The following LRRC7 variants were observed in gnomAD, a reference collection of about 807,000 sequenced individuals.
LRRC7 encodes the protein leucine-rich repeat-containing protein 7.
Under a neutral mutation model 175.7 loss-of-function variants are expected in LRRC7, and 23 were observed. That is an observed-to-expected ratio of 0.13 (90% CI 0.09 to 0.19). The LOEUF is 0.19. Ranked by LOEUF, LRRC7 falls within the 10% of genes least tolerant of loss-of-function variation. LRRC7 has a pLI of 1.00. For missense variants in LRRC7, 1,354 were observed against 1,904.7 expected, an observed-to-expected ratio of 0.71 and a Z score of 5.38; for synonymous variants, 685 against 680.9, an observed-to-expected ratio of 1.01 and a Z score of -0.09.
intron 7 of LRRC7, among the ~76,000 whole-genome samples, chr1:69,885,031 A>G (rs1031336467): frequency 1.4e-5 from 2 of 142,886 alleles, no homozygotes; most frequent in Admixed American, 7.1e-5. Flanking sequence ...TATTTTATTG[A>G]GGATTTTTGC....
At chr1:69,741,691 C>T (rs958916180) in intron 2 of LRRC7, among the ~76,000 whole-genome samples, 2 of 151,976 alleles carry the variant, frequency 1.3e-5, no homozygotes, top group Non-Finnish European at 2.9e-5. Context: ...AGAAGACTTA[C>T]GAACCATGAC....
intron 2 of LRRC7, among the ~76,000 whole-genome samples, chr1:69,733,879 G>A (rs1182664160): frequency 1.3e-5 from 2 of 151,908 alleles, no homozygotes; most frequent in African/African-American, 4.8e-5. Flanking sequence ...TCTTTTTATT[G>A]TTAATTGTAC....
At chr1:69,845,217 C>T (rs913760389) in intron 7 of LRRC7, among the ~76,000 whole-genome samples, 1 of 152,102 alleles carries the variant, frequency 6.6e-6, no homozygotes, top group African/African-American at 2.4e-5. Flanking sequence ...TGCCACTGCA[C>T]TCAAGCCTGG....
chr1:70,023,409 A>T, intron 17 of LRRC7, 35 bp downstream of exon 17: 1 of 1,509,972 alleles, frequency 6.6e-7, no homozygotes, highest in Non-Finnish European at 8.9e-7. Flanking sequence ...AGAATCTCCC[A>T]TGTAGAGGCA....
intron 8 of LRRC7, among the ~76,000 whole-genome samples, chr1:69,941,277 G>C (rs1648682780): frequency 6.6e-6 from 1 of 152,080 alleles, no homozygotes; most frequent in Non-Finnish European, 1.5e-5. Context: ...GAAGCTCTTT[G>C]GAAGGGTTTG....
intron 23 of LRRC7, among the ~76,000 whole-genome samples, chr1:70,059,143 G>T (rs1043459244): frequency 6.6e-6 from 1 of 152,114 alleles, no homozygotes; most frequent in African/African-American, 2.4e-5. Context: ...AAAAGACTAG[G>T]CATTCAAAGG....
At chr1:69,951,675 A>G (rs1649946808) in intron 8 of LRRC7, among the ~76,000 whole-genome samples, 1 of 152,144 alleles carries the variant, frequency 6.6e-6, no homozygotes, top group African/African-American at 2.4e-5. Flanking sequence ...ATCCTTAGCA[A>G]ACTAATGCAG....
intron 2 of LRRC7, among the ~76,000 whole-genome samples, chr1:69,727,080 C>G (rs1283616884): frequency 2.0e-5 from 3 of 152,174 alleles, no homozygotes; most frequent in Non-Finnish European, 4.4e-5. Flanking sequence ...GCTGGGAAAG[C>G]CCTTCAGTAT....
intron 24 of LRRC7, among the ~76,000 whole-genome samples, chr1:70,084,236 A>T (rs1296429917): frequency 6.6e-6 from 1 of 152,090 alleles, no homozygotes. Flanking sequence ...ACATTTGTAC[A>T]GTTGTGTAAC....
intron 7 of LRRC7, among the ~76,000 whole-genome samples, chr1:69,908,141 T>C (rs1557875035): frequency 1.3e-5 from 2 of 152,196 alleles, no homozygotes; most frequent in Admixed American, 1.3e-4. Flanking sequence ...GTCTATTTCA[T>C]TCTTCTCTCT....
At chr1:69,996,156 G>A (rs1484911365) in intron 11 of LRRC7, among the ~76,000 whole-genome samples, 1 of 151,712 alleles carries the variant, frequency 6.6e-6, no homozygotes, top group East Asian at 1.9e-4. Flanking sequence ...GATGGCCAGT[G>A]ATGGTGAGCA....
intron 2 of LRRC7, among the ~76,000 whole-genome samples, chr1:69,728,258 A>T (rs986948235): frequency 6.6e-6 from 1 of 152,202 alleles, no homozygotes; most frequent in African/African-American, 2.4e-5. Flanking sequence ...AAAAAATGGG[A>T]ATCATGTAAC....
At chr1:69,664,648 G>A (rs142381315) in intron 1 of LRRC7, among the ~76,000 whole-genome samples, 29 of 151,994 alleles carry the variant, frequency 1.9e-4, no homozygotes, top group African/African-American at 4.8e-4. Context: ...ATTTTTAATC[G>A]GATTATTAGA....
chr1:69,699,432 C>T lies in LRRC7; in HGVS notation c.100+20954C>T, dbSNP rs757270709. 5.9e-5 allele frequency among the ~76,000 whole-genome samples: 9 copies of T among 151,924 alleles called. No homozygotes were observed. In the South Asian group the frequency reaches 6.3e-4, roughly 11 times the overall value. On this transcript the variant is annotated intron_variant, in intron 2 of 26. Transcript: ENST00000651989. ...GTGCACACCTGTAATCCCAGCTACTCGGGAGGCTGAGGCAGGAGAATCACT... is the reference window on the plus strand; with the variant it reads ...GTGCACACCTGTAATCCCAGCTACTTGGGAGGCTGAGGCAGGAGAATCACT...
intron 1 of LRRC7, among the ~76,000 whole-genome samples, chr1:69,616,920 C>T (rs917515978): frequency 1.1e-4 from 17 of 152,124 alleles, no homozygotes; most frequent in East Asian, 9.7e-4. Flanking sequence ...GTGAGAGGAA[C>T]GTATGTTCAT....
chr1:69,682,329 G>C (rs1445073046), intron 2 of LRRC7, among the ~76,000 whole-genome samples: 1 of 152,068 alleles, frequency 6.6e-6, no homozygotes, highest in Non-Finnish European at 1.5e-5. Context: ...TTGTCCAGAA[G>C]AAAGTGATAA....
Position 70,081,102 on chromosome 1 carries a change from G to A in LRRC7, c.4452+4804G>A, listed in dbSNP as rs936401100. ...ATAAACTGATTTTAATAGGCTGCAT[G>A]TGACCTGGGCAATGAGACTTTTGAA... On this transcript the variant is annotated intron_variant, in intron 24 of 26. Coordinates refer to ENST00000651989, the MANE Select transcript of LRRC7 (RefSeq NM_001370785.2). Among the ~76,000 whole-genome samples, 9 of 152,348 alleles carry A rather than the reference G, an allele frequency of 5.9e-5. No individual in the cohort carries two copies. The East Asian group carries it at 1.5e-3, about 26-fold the overall frequency.
intron 2 of LRRC7, among the ~76,000 whole-genome samples, chr1:69,679,012 G>GAT (rs1406234884): frequency 1.3e-5 from 2 of 152,048 alleles, no homozygotes; most frequent in Admixed American, 6.6e-5. Flanking sequence ...CTGAAAGATA[G>GAT]ATACCATGAA....
chr1:69,718,101 A>AAGTG, intron 2 of LRRC7, among the ~76,000 whole-genome samples: 1 of 103,788 alleles, frequency 9.6e-6, no homozygotes, highest in South Asian at 3.4e-4. Context: ...AAAGAGAAGA[A>AAGTG]AGAGAGAAAA....
Sources: allele counts gnomAD v4.1 joint callset (sites outside exome capture counted in the v4.1 genomes callset), GRCh38; gene constraint gnomAD v4.1.1; transcripts MANE v1.5; gene names NCBI Gene and HGNC (gene_info 2026-07-23, HGNC 2026-07-21).